Variants in NRK observed in about 807,000 individuals in gnomAD.
NRK encodes the protein nik-related protein kinase.
NRK carries 67 observed loss-of-function variants against 125.2 expected under a neutral mutation model. That is an observed-to-expected ratio of 0.54 (90% CI 0.44 to 0.66). The LOEUF (loss-of-function observed/expected upper bound fraction) is 0.66, where lower values mean the gene tolerates loss of function less well. NRK is among the 30% of genes least tolerant of loss of function. NRK has a pLI of 0.00. For missense variants in NRK, 1,224 were observed against 1,192.9 expected (o/e 1.03, Z -0.38); for synonymous variants, 458 against 429.0 (o/e 1.07, Z -0.84).
At chrX:105,869,410 A>G (rs1244642500) in intron 2 of NRK, among the ~76,000 whole-genome samples, 1 of 110,601 alleles carries the variant, frequency 9.0e-6, no homozygotes, top group East Asian at 2.9e-4. Context: ...CCTCATCATC[A>G]TCTTTCTCCA....
chrX:105,835,290 G>C (rs935722375), intron 2 of NRK, among the ~76,000 whole-genome samples: 2 of 110,973 alleles, frequency 1.8e-5, no homozygotes, highest in Non-Finnish European at 3.8e-5. Context: ...GCATATGTGG[G>C]GGTTGGTCTT....
intron 26 of NRK, chrX:105,948,616 C>CT (rs1346222414): frequency 3.5e-5 from 17 of 484,951 alleles, no homozygotes; most frequent in East Asian, 7.5e-5. Context: ...CTTCCTTTAT[C>CT]TTTTTTTTCT....
intron 21 of NRK, among the ~76,000 whole-genome samples, chrX:105,937,233 A>G (rs925256308): frequency 9.1e-6 from 1 of 110,479 alleles, no homozygotes; most frequent in Non-Finnish European, 1.9e-5. Flanking sequence ...GCCTAAACTG[A>G]TAAGTCATCT....
chrX:105,948,507 C>A, intron 26 of NRK: 1 of 375,409 alleles, frequency 2.7e-6, no homozygotes, highest in Non-Finnish European at 4.5e-6. Flanking sequence ...CAGGAATCAT[C>A]TGAGAAGCAT....
chrX:105,852,295 T>C (rs1306507679), intron 2 of NRK, among the ~76,000 whole-genome samples: 1 of 111,660 alleles, frequency 9.0e-6, no homozygotes, highest in Non-Finnish European at 1.9e-5. Context: ...TCATGTAGAT[T>C]TGGCTGTTTT....
intron 24 of NRK, 63 bp from the exon 25 acceptor site, chrX:105,945,809 G>A: frequency 9.7e-7 from 1 of 1,027,655 alleles, no homozygotes. Flanking sequence ...AACCATAGGA[G>A]CCTAGAGTAC....
chrX:105,904,913 C>T (rs759704886), intron 9 of NRK, among the ~76,000 whole-genome samples: 1 of 111,639 alleles, frequency 9.0e-6, no homozygotes, highest in African/African-American at 3.2e-5. Context: ...TTACATATTC[C>T]AATTTTATAA....
At chrX:105,863,459 CT>C (rs1157289748) in intron 2 of NRK, among the ~76,000 whole-genome samples, 2 of 111,318 alleles carry the variant, frequency 1.8e-5, no homozygotes, top group Non-Finnish European at 3.8e-5. Context: ...ATCTTTTCCA[CT>C]TTCATTAAAG....
intron 2 of NRK, among the ~76,000 whole-genome samples, chrX:105,841,244 C>T (rs1404776976): frequency 2.7e-5 from 3 of 111,127 alleles, no homozygotes; most frequent in African/African-American, 9.8e-5. Flanking sequence ...GCTGAGGCTA[C>T]TCTGAAGGCA....
At chrX:105,921,564 G>A (rs752880032) in intron 16 of NRK, among the ~76,000 whole-genome samples, 105 of 109,787 alleles carry the variant, frequency 9.6e-4, no homozygotes, top group African/African-American at 3.3e-3. Context: ...ACACTGTCGG[G>A]CTTTTTTTTC....
At position 105,953,193 on chromosome X, in the gene NRK, G is replaced by C. The variant is rs1266122767; in HGVS notation, c.4653+20G>C. ...GACAAGGTATAGCTTACACCCTCCAGTTACAGCAAAAATAACGCAACCATT... is the reference window on the plus strand; with the variant it reads ...GACAAGGTATAGCTTACACCCTCCACTTACAGCAAAAATAACGCAACCATT... On this transcript the variant is annotated intron_variant, in intron 28 of 28. Transcript: ENST00000243300. 9.3e-7 allele frequency: 1 copy of C among 1,070,823 alleles called. No homozygotes were observed. The highest frequency in any genetic ancestry group is 3.0e-5 in the Admixed American group (1 of 33,807). 88.2% of individuals were successfully genotyped at this position (1,070,823 alleles called of 1,213,427 possible).
intron 2 of NRK, among the ~76,000 whole-genome samples, chrX:105,872,813 A>T (rs985064025): frequency 6.3e-5 from 7 of 111,486 alleles, no homozygotes; most frequent in South Asian, 3.8e-4. Context: ...TTCTAGCCAC[A>T]TGTCTTTGTT....
intron 1 of NRK, among the ~76,000 whole-genome samples, chrX:105,830,636 A>G (rs927318937): frequency 9.0e-6 from 1 of 111,059 alleles, no homozygotes; most frequent in Non-Finnish European, 1.9e-5. Flanking sequence ...ACCACTTAAG[A>G]TAGTTGAATG....
rs758829803 is a variant in NRK at position 105,923,255 on chromosome X, G to A, written c.2748G>A (p.Glu916=). The change falls in exon 18 of 29, where the codon GAG becomes GAA. Residue 916 remains glutamate (E), a synonymous_variant. Coordinates refer to ENST00000243300, the MANE Select transcript of NRK (RefSeq NM_198465.4). Reference sequence around the variant, plus strand: ...CACCTGTCATTCAGCCACCTGAAGAGGATGGTGATTATGTTGAACTCTATG... The same window carrying A: ...CACCTGTCATTCAGCCACCTGAAGAAGATGGTGATTATGTTGAACTCTATG... The part of the protein sequence containing the change: ...TPAPVIQPPE[E]DGDYVELYDA... 8.3e-7 allele frequency: 1 copy of A among 1,208,329 alleles called. No individual in the cohort carries two copies. The highest frequency in any genetic ancestry group is 1.8e-5 in the South Asian group (1 of 56,875).
intron 7 of NRK, among the ~76,000 whole-genome samples, chrX:105,897,068 A>G (rs1299318): frequency 8.9e-6 from 1 of 112,210 alleles, no homozygotes; most frequent in South Asian, 3.7e-4. Flanking sequence ...ATCTGTCACA[A>G]TGTCCATGCA....
intron 2 of NRK, among the ~76,000 whole-genome samples, chrX:105,855,918 T>C (rs1282863366): frequency 1.8e-5 from 2 of 111,381 alleles, no homozygotes; most frequent in African/African-American, 6.5e-5. Context: ...GAAAATAATT[T>C]TTACCTTACC....
chrX:105,906,933 A>G (rs1430212343), intron 11 of NRK, among the ~76,000 whole-genome samples: 2 of 110,735 alleles, frequency 1.8e-5, no homozygotes, highest in African/African-American at 6.6e-5. Context: ...TAAATAAAAG[A>G]TAAAAGGTAA....
At position 105,944,047 on chromosome X, in the gene NRK, T is replaced by A. The variant is rs1202469767; in HGVS notation, c.4059+6T>A. ...ATGAAAGCACTGCTATTAAAGTGAG[T>A]GAGCTCCTTTTTCTTTGGATTATAT... is the stretch of plus-strand genomic sequence containing the variant. On this transcript the variant is annotated splice_donor_region_variant and intron_variant, in intron 24 of 28. Coordinates refer to ENST00000243300, the MANE Select transcript of NRK (RefSeq NM_198465.4). 1 of 974,776 alleles carries A rather than the reference T, an allele frequency of 1.0e-6. No individual in the cohort carries two copies. Among genetic ancestry groups the A allele is most frequent in the East Asian group, 3.1e-5 (1 of 31,957 alleles). The allele number at this position is 974,776 out of a possible 1,213,427, so 80.3% of individuals were successfully genotyped here. A position where few individuals can be genotyped will look rare whatever the true frequency, so the allele number is the denominator to read the frequency against.
At chrX:105,875,274 C>T (rs1243888832) in intron 2 of NRK, among the ~76,000 whole-genome samples, 1 of 111,337 alleles carries the variant, frequency 9.0e-6, no homozygotes, top group Non-Finnish European at 1.9e-5. Context: ...TTGAAATTCC[C>T]TGCTCACTCA....
Sources: allele counts gnomAD v4.1 joint callset (sites outside exome capture counted in the v4.1 genomes callset), GRCh38; gene constraint gnomAD v4.1.1; transcripts MANE v1.5; gene names NCBI Gene and HGNC (gene_info 2026-07-23, HGNC 2026-07-21).